The following SLC38A9 variants were observed in gnomAD, a reference collection of about 807,000 sequenced individuals.
SLC38A9 encodes neutral amino acid transporter 9.
A neutral mutation model predicts 62.3 loss-of-function variants in SLC38A9; 48 were observed. The observed-to-expected ratio is 0.77, with a 90% CI of 0.61 to 0.98. SLC38A9 has a LOEUF of 0.98. SLC38A9 is among the 50% of genes least tolerant of loss of function. The pLI is 0.00. For missense variants in SLC38A9, 541 were observed against 679.8 expected (o/e 0.80, Z 2.27); for synonymous variants, 204 against 227.7 (o/e 0.90, Z 0.94).
intron 12 of SLC38A9, among the ~76,000 whole-genome samples, chr5:55,644,133 G>A (rs1173059911): frequency 6.6e-6 from 1 of 151,938 alleles, no homozygotes; most frequent in Non-Finnish European, 1.5e-5. Flanking sequence ...GCTAATTTTT[G>A]TATTTTTAGT....
At chr5:55,688,729 C>A (rs1754319882) in intron 3 of SLC38A9, among the ~76,000 whole-genome samples, 1 of 151,688 alleles carries the variant, frequency 6.6e-6, no homozygotes, top group Non-Finnish European at 1.5e-5. Flanking sequence ...CATTTACTAG[C>A]CTTAATAAAA....
chr5:55,710,506 G>T (rs935558068), intron 2 of SLC38A9, among the ~76,000 whole-genome samples: 1 of 152,178 alleles, frequency 6.6e-6, no homozygotes, highest in Non-Finnish European at 1.5e-5. Context: ...ACCGCAATCC[G>T]CCGAACCTTC....
At chr5:55,710,086 G>A (rs202209947) in intron 2 of SLC38A9, among the ~76,000 whole-genome samples, 2,126 of 117,650 alleles carry the variant, frequency 0.018, 37 homozygotes, top group African/African-American at 0.05. Flanking sequence ...AAAAAAAAAA[G>A]AAAAAAAAAA....
intron 3 of SLC38A9, chr5:55,694,065 G>C (rs901149296): frequency 2.5e-5 from 4 of 160,116 alleles, no homozygotes; most frequent in African/African-American, 9.6e-5. Context: ...AAAATTAGCT[G>C]GTCACAGTGG....
chr5:55,659,261 A>G (rs1402089139), intron 8 of SLC38A9, among the ~76,000 whole-genome samples: 1 of 138,918 alleles, frequency 7.2e-6, no homozygotes, highest in Non-Finnish European at 1.6e-5. Flanking sequence ...AAAACCATCA[A>G]TATATACATA....
At chr5:55,660,413 C>T (rs1305925202) in intron 8 of SLC38A9, among the ~76,000 whole-genome samples, 1 of 151,926 alleles carries the variant, frequency 6.6e-6, no homozygotes, top group Non-Finnish European at 1.5e-5. Flanking sequence ...GAAACTCTGT[C>T]TCAAAAAAAC....
At chr5:55,689,321 G>T (rs1754400964) in intron 3 of SLC38A9, among the ~76,000 whole-genome samples, 1 of 152,126 alleles carries the variant, frequency 6.6e-6, no homozygotes, top group Non-Finnish European at 1.5e-5. Context: ...ACTAAAAAAA[G>T]TATCAGGCAA....
intron 3 of SLC38A9, among the ~76,000 whole-genome samples, chr5:55,685,017 C>T (rs1411811966): frequency 6.6e-6 from 1 of 152,180 alleles, no homozygotes; most frequent in African/African-American, 2.4e-5. Context: ...TGAGGAAATG[C>T]TGGGCTCTCC....
chr5:55,691,110 C>T, intron 3 of SLC38A9: 1 of 700,024 alleles, frequency 1.4e-6, no homozygotes, highest in Non-Finnish European at 2.6e-6. Context: ...CTGCCTGTAC[C>T]CCACTTGGCT....
At chr5:55,640,660 C>A (rs1745314832) in intron 12 of SLC38A9, among the ~76,000 whole-genome samples, 1 of 152,208 alleles carries the variant, frequency 6.6e-6, no homozygotes, top group South Asian at 2.1e-4. Flanking sequence ...AGACAGTCCT[C>A]ACTTTGCAGG....
intron 3 of SLC38A9, among the ~76,000 whole-genome samples, chr5:55,690,389 C>T (rs1218245418): frequency 1.3e-5 from 2 of 151,846 alleles, no homozygotes; most frequent in African/African-American, 4.8e-5. Context: ...GGAAAAGTAA[C>T]AGTGGAAAGT....
intron 11 of SLC38A9, 40 bp downstream of exon 11, chr5:55,649,167 A>T: frequency 8.6e-7 from 1 of 1,163,266 alleles, no homozygotes; most frequent in Non-Finnish European, 1.2e-6. Flanking sequence ...AATGGTTAAG[A>T]TCACATTATT....
At chr5:55,688,627 G>A (rs1249566573) in intron 3 of SLC38A9, among the ~76,000 whole-genome samples, 2 of 151,956 alleles carry the variant, frequency 1.3e-5, no homozygotes, top group African/African-American at 2.4e-5. Context: ...TGATCCGCCC[G>A]CCTCGGCCTC....
chr5:55,655,977 C>T (rs1392021688), intron 9 of SLC38A9, among the ~76,000 whole-genome samples: 1 of 152,002 alleles, frequency 6.6e-6, no homozygotes, highest in African/African-American at 2.4e-5. Context: ...ATTTCTTTTA[C>T]AGGTTACAAA....
intron 3 of SLC38A9, among the ~76,000 whole-genome samples, chr5:55,681,975 C>T (rs765360592): frequency 6.6e-6 from 1 of 152,222 alleles, no homozygotes; most frequent in South Asian, 2.1e-4. Context: ...TATTTACTAA[C>T]GTGTCCTTTA....
At chr5:55,677,207 A>T (rs1259751226) in intron 3 of SLC38A9, among the ~76,000 whole-genome samples, 1 of 152,244 alleles carries the variant, frequency 6.6e-6, no homozygotes, top group Non-Finnish European at 1.5e-5. Flanking sequence ...GTGAAATTAA[A>T]TACTCAACAT....
intron 3 of SLC38A9, among the ~76,000 whole-genome samples, chr5:55,689,833 G>T (rs929744943): frequency 6.6e-6 from 1 of 152,078 alleles, no homozygotes; most frequent in Non-Finnish European, 1.5e-5. Flanking sequence ...CTTATGATGG[G>T]TTTATCAGGA....
chr5:55,666,487 A>G (rs2150317542), intron 7 of SLC38A9, among the ~76,000 whole-genome samples: 1 of 152,356 alleles, frequency 6.6e-6, no homozygotes, highest in Non-Finnish European at 1.5e-5. Context: ...TTGAAGCAAA[A>G]TATGGCAGCT....
At chr5:55,632,135 A>C (rs1416864146) in intron 14 of SLC38A9, among the ~76,000 whole-genome samples, 1 of 152,198 alleles carries the variant, frequency 6.6e-6, no homozygotes, top group Non-Finnish European at 1.5e-5. Context: ...TTGATCATTT[A>C]TGTAAAATTG....
Sources: allele counts gnomAD v4.1 joint callset (sites outside exome capture counted in the v4.1 genomes callset), GRCh38; gene constraint gnomAD v4.1.1; transcripts MANE v1.5; gene names NCBI Gene and HGNC (gene_info 2026-07-23, HGNC 2026-07-21).